The following CREBRF variants were observed in gnomAD, a reference collection of about 807,000 sequenced individuals.
The protein encoded by CREBRF is CREB3 regulatory factor.
Under a neutral mutation model 66.1 loss-of-function variants are expected in CREBRF, and 5 were observed. That is an observed-to-expected ratio of 0.08 (90% CI 0.04 to 0.16). CREBRF has a LOEUF of 0.16. Ranked by LOEUF, CREBRF falls within the 10% of genes least tolerant of loss-of-function variation. CREBRF has a pLI of 1.00. For synonymous variants in CREBRF, 229 were observed against 264.4 expected (o/e 0.87, Z 1.30); for missense variants, 531 against 744.9 (o/e 0.71, Z 3.34).
At chr5:173,075,824 T>C (rs2113692699) in intron 1 of CREBRF, among the ~76,000 whole-genome samples, 1 of 152,056 alleles carries the variant, frequency 6.6e-6, no homozygotes, top group Non-Finnish European at 1.5e-5. Flanking sequence ...CTTCATTCTT[T>C]CCTGCCCTCC....
In CREBRF at chr5:173,059,614, C is replaced by G. The variant is rs181826677; in HGVS notation, c.-192+3135C>G. ...CATTGTGTTGCTTTTGGAACCCTAGCCCTTACAATGCCCTAATTAGTTTAA... is the reference window on the plus strand; with the variant it reads ...CATTGTGTTGCTTTTGGAACCCTAGGCCTTACAATGCCCTAATTAGTTTAA... On this transcript the variant is annotated intron_variant, in intron 1 of 8. Coordinates refer to ENST00000296953, the MANE Select transcript of CREBRF (RefSeq NM_153607.3). Among the ~76,000 whole-genome samples, 94 of 152,006 alleles carry G rather than the reference C, an allele frequency of 6.2e-4. No individual in the cohort carries two copies. The East Asian group carries it at 0.01, about 16-fold the overall frequency.
At chr5:173,125,399 T>A (rs251232) in intron 8 of CREBRF, among the ~76,000 whole-genome samples, 73,897 of 151,962 alleles carry the variant, frequency 0.49, 19,109 homozygotes, top group Non-Finnish European at 0.58. Flanking sequence ...CGTGCCATTT[T>A]CTTTAATGTC....
chr5:173,086,799 C>T (rs545546924), intron 3 of CREBRF, among the ~76,000 whole-genome samples, 173 bp downstream of exon 3: 7 of 152,030 alleles, frequency 4.6e-5, no homozygotes, highest in South Asian at 4.1e-4. Flanking sequence ...TTTTTTGAGA[C>T]GGAGTCTCAC....
intron 1 of CREBRF, among the ~76,000 whole-genome samples, chr5:173,072,024 C>T (rs1003637956): frequency 2.0e-5 from 3 of 152,102 alleles, no homozygotes; most frequent in African/African-American, 7.2e-5. Context: ...CACATCACTC[C>T]AGTGTAGGTG....
intron 1 of CREBRF, among the ~76,000 whole-genome samples, chr5:173,068,618 C>A (rs1735161053): frequency 6.6e-6 from 1 of 152,084 alleles, no homozygotes; most frequent in Non-Finnish European, 1.5e-5. Context: ...TTATGAATGA[C>A]TTTGTGAGTC....
chr5:173,063,705 T>G (rs1757350045), intron 1 of CREBRF, among the ~76,000 whole-genome samples: 1 of 150,704 alleles, frequency 6.6e-6, no homozygotes, highest in Non-Finnish European at 1.5e-5. Flanking sequence ...ATTTCTTGAT[T>G]AAAAAGAATT....
intron 1 of CREBRF, among the ~76,000 whole-genome samples, chr5:173,066,808 C>CTTTTTTTTTTT (rs34093582): frequency 1.6e-5 from 1 of 63,032 alleles, no homozygotes. Context: ...TTCATTGAAT[C>CTTTTTTTTTTT]TTTTTTTTTT....
At chr5:173,103,140 A>C (rs1758667890) in intron 4 of CREBRF, among the ~76,000 whole-genome samples, 1 of 152,222 alleles carries the variant, frequency 6.6e-6, no homozygotes, top group Admixed American at 6.5e-5. Context: ...ATAACAGGAC[A>C]GTGGCTTTAT....
intron 7 of CREBRF, among the ~76,000 whole-genome samples, chr5:173,114,041 C>T (rs1310747439): frequency 1.3e-5 from 2 of 152,198 alleles, no homozygotes; most frequent in South Asian, 2.1e-4. Flanking sequence ...TTAAGTTTAG[C>T]ATGTCTGGCA....
intron 2 of CREBRF, 126 bp from the exon 3 acceptor site, chr5:173,086,375 A>G (rs1758147764): frequency 1.4e-5 from 12 of 865,782 alleles, no homozygotes; most frequent in Non-Finnish European, 2.0e-5. Context: ...TACAGTAGAA[A>G]AAAAGTATAG....
At chr5:173,076,735 G>A (rs1430302316) in intron 1 of CREBRF, among the ~76,000 whole-genome samples, 2 of 136,136 alleles carry the variant, frequency 1.5e-5, no homozygotes, top group Non-Finnish European at 1.5e-5. Flanking sequence ...CAGCCTGGGG[G>A]ACACAGTCAG....
chr5:173,082,013 T>TGTTTTTTTTTTTTTTTTTG lies in CREBRF; in HGVS notation c.9+1229_9+1230insGTTTTTTTTTTTTTTTTTG, dbSNP rs1554123731. On this transcript the variant is annotated intron_variant, in intron 2 of 8. Coordinates refer to ENST00000296953, the MANE Select transcript of CREBRF (RefSeq NM_153607.3). The stretch of plus-strand genomic sequence containing the variant: ...CCCATTCAAGGTTTAGTTTTTTTTT[T>TGTTTTTTTTTTTTTTTTTG]TTTTTTTTTTTTTTTTTTGAGCTGG... 3.7e-4 allele frequency among the ~76,000 whole-genome samples: 46 copies of TGTTTTTTTTTTTTTTTTTG among 123,686 alleles called. 1 individual carries two copies. Among genetic ancestry groups the TGTTTTTTTTTTTTTTTTTG allele is most frequent in the South Asian group, 3.1e-3 (10 of 3,208 alleles). 81.1% of individuals were successfully genotyped at this position (123,686 alleles called of 152,430 possible).
intron 1 of CREBRF, among the ~76,000 whole-genome samples, chr5:173,067,321 T>G (rs531116233): frequency 1.3e-5 from 2 of 152,372 alleles, no homozygotes; most frequent in South Asian, 4.1e-4. Flanking sequence ...CTGTCAAGAC[T>G]GAACACCCAA....
At chr5:173,065,879 CA>C (rs1180588145) in intron 1 of CREBRF, among the ~76,000 whole-genome samples, 3 of 152,014 alleles carry the variant, frequency 2.0e-5, no homozygotes, top group African/African-American at 7.3e-5. Flanking sequence ...TCAAGCCACC[CA>C]CCCACCTTGG....
In CREBRF at chr5:173,133,730, A is replaced by G. The variant is rs374859796; in HGVS notation, c.1905A>G (p.Pro635=). 1.1e-5 allele frequency: 18 copies of G among 1,590,740 alleles called. No homozygotes were observed. In the African/African-American group the frequency reaches 2.2e-4, roughly 19 times the overall value. ...GAGGCCTTGTAGGATTAAGGATACC[A>G]ACATCAAAGGTGTAATCAGCCTCAT... is the stretch of plus-strand genomic sequence containing the variant. ...PTGGLVGLRI[P]TSKV The change falls in exon 9 of 9, where the codon CCA becomes CCG. Residue 635 remains proline (P), a synonymous_variant. Coordinates refer to ENST00000296953, the MANE Select transcript of CREBRF (RefSeq NM_153607.3).
At chr5:173,130,262 AGTTT>A (rs1326315076) in intron 8 of CREBRF, among the ~76,000 whole-genome samples, 17 of 152,166 alleles carry the variant, frequency 1.1e-4, no homozygotes, top group African/African-American at 4.1e-4. Context: ...GATCTGCTAG[AGTTT>A]GTTTATGTGG....
At chr5:173,092,282 G>T (rs571003806) in intron 4 of CREBRF, 4 of 980,152 alleles carry the variant, frequency 4.1e-6, no homozygotes, top group Non-Finnish European at 3.6e-6. Context: ...AATTTACATC[G>T]TATTTTCCTA....
chr5:173,091,246 A>G lies in CREBRF; in HGVS notation c.1067A>G (p.Glu356Gly). The change falls in exon 4 of 9, where the codon GAA becomes GGA. Residue 356 changes from glutamate to glycine, a missense_variant. Glu to Gly is a moderately conservative substitution (Grantham distance 98). This residue lies in a region of CREBRF where 309 missense variants were observed against 341.4 expected (regional missense o/e 0.90). Transcript: ENST00000296953. ...CAGCCAACTAAATGCAGTCCTGAAG[A>G]AGATGAGGAGGACGAGGAGGATGTT... ...GEQPTKCSPE[E>G]DEEDEEDVDD... The G allele has an allele frequency of 6.2e-7, 1 of 1,614,190 alleles. No individual in the cohort carries two copies. Among genetic ancestry groups the G allele is most frequent in the Non-Finnish European group, 8.5e-7 (1 of 1,180,030 alleles).
intron 2 of CREBRF, among the ~76,000 whole-genome samples, chr5:173,082,234 C>T (rs1024157471): frequency 6.2e-4 from 94 of 151,874 alleles, no homozygotes; most frequent in Admixed American, 1.0e-3. Flanking sequence ...AGGATGGTCC[C>T]GATCTCCTGA....
Sources: allele counts gnomAD v4.1 joint callset (sites outside exome capture counted in the v4.1 genomes callset), GRCh38; gene constraint gnomAD v4.1.1; regional missense constraint gnomAD v4.1.1; transcripts MANE v1.5; gene names NCBI Gene and HGNC (gene_info 2026-07-23, HGNC 2026-07-21).